The following CDH18 variants were observed in gnomAD, a reference collection of about 807,000 sequenced individuals.
CDH18 encodes cadherin-18.
Under a neutral mutation model 67.9 loss-of-function variants are expected in CDH18, and 31 were observed. The ratio of observed to expected loss-of-function variants is 0.46; its 90% CI spans 0.34 to 0.62. The LOEUF is 0.62. Among genes scored for constraint, CDH18 ranks in the 20% least tolerant of loss-of-function variants. CDH18 has a pLI of 0.01. For missense variants in CDH18, 890 were observed against 975.5 expected (o/e 0.91, Z 1.17); for synonymous variants, 362 against 347.2 (o/e 1.04, Z -0.48).
chr5:19,615,318 G>A (rs183375502), intron 5 of CDH18, among the ~76,000 whole-genome samples: 2 of 152,116 alleles, frequency 1.3e-5, no homozygotes, highest in Admixed American at 1.3e-4. Flanking sequence ...GAACCCAGAC[G>A]CATTTTCTGG....
chr5:20,219,289 A>G (rs1381054026), intron 2 of CDH18, among the ~76,000 whole-genome samples: 1 of 151,980 alleles, frequency 6.6e-6, no homozygotes, highest in Non-Finnish European at 1.5e-5. Flanking sequence ...TGAAAAATCC[A>G]AAACCTGAAC....
chr5:19,745,524 G>A (rs1769876275), intron 4 of CDH18, among the ~76,000 whole-genome samples: 1 of 152,172 alleles, frequency 6.6e-6, no homozygotes, highest in African/African-American at 2.4e-5. Flanking sequence ...AGGCAGAGGA[G>A]ATTAGGTTTG....
At chr5:20,135,850 C>T (rs897356066) in intron 2 of CDH18, among the ~76,000 whole-genome samples, 9 of 152,240 alleles carry the variant, frequency 5.9e-5, no homozygotes, top group Non-Finnish European at 8.8e-5. Context: ...TCATTATGTA[C>T]GTAGTAATCA....
At chr5:19,849,700 G>T in intron 2 of CDH18, among the ~76,000 whole-genome samples, 1 of 9,364 alleles carries the variant, frequency 1.1e-4, no homozygotes, top group African/African-American at 1.9e-4. Context: ...ATATATACAC[G>T]CATATATATA....
chr5:19,707,165 C>A (rs1248754993), intron 5 of CDH18, among the ~76,000 whole-genome samples: 1 of 151,944 alleles, frequency 6.6e-6, no homozygotes, highest in South Asian at 2.1e-4. Context: ...TGGGAGGATC[C>A]CAAAGACCCA....
chr5:20,172,208 A>ATATATATATATATATATATACACG (rs1580399227), intron 2 of CDH18, among the ~76,000 whole-genome samples: 1 of 66,538 alleles, frequency 1.5e-5, no homozygotes, highest in Non-Finnish European at 2.8e-5. Context: ...ATATATATAT[A>ATATATATATATATATATATACACG]TATATATATA....
chr5:19,788,041 A>G (rs1775996686), intron 3 of CDH18, among the ~76,000 whole-genome samples: 1 of 152,020 alleles, frequency 6.6e-6, no homozygotes. Context: ...GATCTATAAA[A>G]ACCTCTGCCT....
chr5:20,112,228 C>T (rs1194849719), intron 2 of CDH18, among the ~76,000 whole-genome samples: 1 of 152,074 alleles, frequency 6.6e-6, no homozygotes, highest in Non-Finnish European at 1.5e-5. Context: ...ATAATCCACC[C>T]CAAGTCAGTA....
chr5:20,381,313 G>T (rs1381311223), intron 1 of CDH18, among the ~76,000 whole-genome samples: 1 of 152,042 alleles, frequency 6.6e-6, no homozygotes. Context: ...CCATACAAAT[G>T]CTATCAAAAG....
intron 2 of CDH18, among the ~76,000 whole-genome samples, chr5:19,994,231 G>GTA (rs1384074717): frequency 1.4e-5 from 2 of 141,076 alleles, no homozygotes; most frequent in Non-Finnish European, 3.0e-5. Context: ...GTGCATACAT[G>GTA]TATATACACA....
rs1561426483 is a variant in CDH18 at position 19,593,738 on chromosome 5, C to CTTG, written c.812-2495_812-2494insCAA. On this transcript the variant is annotated intron_variant, in intron 6 of 12. Coordinates refer to ENST00000382275, the MANE Select transcript of CDH18 (RefSeq NM_004934.5). ...TCTTCTTCTTCTTCTTCTTCTTCTT[C>CTTG]TTCTTCTTCTTCTTCTTCTTCTTTC... Among the ~76,000 whole-genome samples the CTTG allele has an allele frequency of 5.7e-5, 8 of 139,312 alleles. No homozygotes were observed. The South Asian group carries it at 1.9e-3, about 33-fold the overall frequency. The allele number at this position is 139,312 out of a possible 152,430, so 91.4% of individuals were successfully genotyped here.
chr5:20,528,169 G>T (rs562364148), intron 1 of CDH18, among the ~76,000 whole-genome samples: 1 of 152,108 alleles, frequency 6.6e-6, no homozygotes, highest in South Asian at 2.1e-4. Flanking sequence ...AAGACAAATA[G>T]CATTACACAA....
intron 3 of CDH18, among the ~76,000 whole-genome samples, chr5:19,825,024 C>A (rs1780260873): frequency 6.6e-6 from 1 of 152,296 alleles, no homozygotes; most frequent in South Asian, 2.1e-4. Flanking sequence ...TTTGTGAACT[C>A]AGCTGGAATG....
At chr5:19,956,676 AAT>A (rs10589287) in intron 2 of CDH18, among the ~76,000 whole-genome samples, 11,947 of 151,892 alleles carry the variant, frequency 0.079, 1,537 homozygotes, top group African/African-American at 0.27. Flanking sequence ...TTGTAATATA[AAT>A]AGTTATTGCC....
chr5:19,849,078 T>C (rs2047406), intron 2 of CDH18, among the ~76,000 whole-genome samples: 74,762 of 151,698 alleles, frequency 0.49, 18,541 homozygotes, highest in Middle Eastern at 0.63. Context: ...AAGTAACAAA[T>C]AAATCTACTA....
chr5:20,090,491 T>C (rs1258504068), intron 2 of CDH18, among the ~76,000 whole-genome samples: 1 of 152,008 alleles, frequency 6.6e-6, no homozygotes, highest in African/African-American at 2.4e-5. Flanking sequence ...GCCAAGATCA[T>C]GCTGTTGCAC....
chr5:19,940,333 A>G (rs1794689552), intron 2 of CDH18, among the ~76,000 whole-genome samples: 2 of 151,700 alleles, frequency 1.3e-5, no homozygotes, highest in Admixed American at 6.6e-5. Context: ...CTCCTCTACA[A>G]TCTTCCTAAT....
chr5:20,161,686 T>A (rs972441475), intron 2 of CDH18, among the ~76,000 whole-genome samples: 3 of 152,246 alleles, frequency 2.0e-5, no homozygotes, highest in Non-Finnish European at 2.9e-5. Context: ...TGTTCTACTA[T>A]CTCTCATTTA....
At chr5:19,490,575 C>A (rs1445878963) in intron 11 of CDH18, among the ~76,000 whole-genome samples, 1 of 151,426 alleles carries the variant, frequency 6.6e-6, no homozygotes, top group Admixed American at 6.6e-5. Flanking sequence ...CCACCACACC[C>A]AGCTAATTTT....
Sources: gnomAD v4.1 joint callset for allele counts (sites outside exome capture counted in the v4.1 genomes callset) on GRCh38, gnomAD v4.1.1 for gene constraint, MANE v1.5 for transcripts, NCBI Gene and HGNC (gene_info 2026-07-23, HGNC 2026-07-21) for gene names.